The following SEMA3G variants were observed in gnomAD, a reference collection of about 807,000 sequenced individuals.
The protein encoded by SEMA3G is semaphorin-3G.
A neutral mutation model predicts 86.2 loss-of-function variants in SEMA3G; 70 were observed. The observed-to-expected ratio is 0.81, with a 90% CI of 0.67 to 0.99. The LOEUF (loss-of-function observed/expected upper bound fraction) is 0.99. Among genes scored for constraint, SEMA3G ranks in the 50% least tolerant of loss-of-function variants. The pLI, the probability that SEMA3G is intolerant of heterozygous loss-of-function variation, is 0.00. For missense variants in SEMA3G, 1,002 were observed against 1,072.4 expected (o/e 0.93, Z 0.92); for synonymous variants, 416 against 441.4 (o/e 0.94, Z 0.72).
chr3:52,437,517 C>G lies in SEMA3G; in HGVS notation c.1878+10G>C. On this transcript the variant is annotated intron_variant, in intron 15 of 15. Coordinates refer to ENST00000231721, the MANE Select transcript of SEMA3G (RefSeq NM_020163.3). ...ACACAGAGGCTAGAGGCAGGGGTCT[C>G]CTCACTCACCTGGTCAGGCCCCTCA... is the stretch of plus-strand genomic sequence containing the variant. 1.2e-6 allele frequency: 2 copies of G among 1,609,406 alleles called. No individual in the cohort carries two copies. Among genetic ancestry groups the G allele is most frequent in the Non-Finnish European group, 1.7e-6 (2 of 1,177,662 alleles).
chr3:52,440,636 G>A (rs552048699), intron 9 of SEMA3G, 115 bp from the exon 10 acceptor site: 469 of 1,458,716 alleles, frequency 3.2e-4, no homozygotes, highest in Non-Finnish European at 4.1e-4. Context: ...CAGAGACTCC[G>A]AAAAGCAAAG....
At chr3:52,439,808 G>T in intron 11 of SEMA3G, 37 bp from the exon 12 acceptor site, 20 of 1,610,640 alleles carry the variant, frequency 1.2e-5, no homozygotes, top group Non-Finnish European at 1.7e-5. Context: ...GGACAGGAGG[G>T]GACAGCCAGA....
chr3:52,441,125 A>G, intron 7 of SEMA3G, 77 bp from the exon 8 acceptor site: 1 of 1,444,610 alleles, frequency 6.9e-7, no homozygotes, highest in Non-Finnish European at 9.4e-7. Flanking sequence ...ACCCTCACCC[A>G]CTCGGGGAGA....
chr3:52,439,049 T>G, intron 12 of SEMA3G, 88 bp from the exon 13 acceptor site: 1 of 1,447,788 alleles, frequency 6.9e-7, no homozygotes, highest in Non-Finnish European at 9.5e-7. Context: ...AACCCTGGGG[T>G]GGGAACCACC....
At chr3:52,443,133 C>T in intron 1 of SEMA3G, 6 of 1,080,186 alleles carry the variant, frequency 5.6e-6, no homozygotes, top group Non-Finnish European at 8.1e-6. Context: ...CTGGGGCCTA[C>T]CTCCCACCCC....
chr3:52,442,012 G>A lies in SEMA3G; in HGVS notation c.460-103C>T, dbSNP rs1007688574. 7.6e-7 allele frequency: 1 copy of A among 1,308,438 alleles called. No homozygotes were observed. 81.1% of individuals were successfully genotyped at this position (1,308,438 alleles called of 1,614,324 possible). ...TCGCGTGCGGCCAGAGAGCGGGGGT[G>A]GGCGGAAGGCGTCCTCATCCAGGGC... On this transcript the variant is annotated intron_variant, in intron 4 of 15. Coordinates refer to ENST00000231721, the MANE Select transcript of SEMA3G (RefSeq NM_020163.3). The surrounding 1 kb of genome is among the most constrained non-coding windows in gnomAD (Gnocchi z 6.1).
rs761755344 is a variant in SEMA3G at position 52,435,917 on chromosome 3, G to C, written c.2035C>G (p.Leu679Val). ...LALVVIVASQ[L>V]DNLFPPEPKP... is the part of the protein sequence containing the mutation. Reference sequence around the variant, plus strand: ...GGCTCCGGAGGGAACAGGTTGTCCAGCTGTGAGGCCACAATCACCACCAGA... The same window carrying C: ...GGCTCCGGAGGGAACAGGTTGTCCACCTGTGAGGCCACAATCACCACCAGA... Residue 679 changes from leucine (L) to valine (V), a missense_variant, in exon 16 of 16, where the codon CTG (leucine) becomes GTG (valine). Leu to Val is a conservative substitution (Grantham distance 32). Coordinates refer to ENST00000231721, the MANE Select transcript of SEMA3G (RefSeq NM_020163.3). The C allele has an allele frequency of 3.1e-6, 5 of 1,614,014 alleles. No homozygotes were observed. The South Asian group carries it at 3.3e-5, about 11-fold the overall frequency.
chr3:52,437,832 G>C (rs562494822), intron 14 of SEMA3G, 139 bp downstream of exon 14: 1 of 1,100,720 alleles, frequency 9.1e-7, no homozygotes, highest in African/African-American at 1.6e-5. Context: ...CCATGCACTA[G>C]CAGGAGCTAC....
At chr3:52,444,863 A>ATG in intron 1 of SEMA3G, 50 bp downstream of exon 1, 1 of 1,253,198 alleles carries the variant, frequency 8.0e-7, no homozygotes, top group Non-Finnish European at 1.0e-6. Context: ...CAGAGCGCAC[A>ATG]CACACAAACA....
chr3:52,441,818 C>T lies in SEMA3G; in HGVS notation c.550+1G>A, dbSNP rs1282730168. 1.2e-6 allele frequency: 2 copies of T among 1,608,002 alleles called. No homozygotes were observed. The highest frequency in any genetic ancestry group is 1.7e-6 in the Non-Finnish European group (2 of 1,177,210). Reference sequence around the variant, plus strand: ...CTCACCCTGGCCTGGGCATCACCCACCTATGAAGGTGCTGGCAAAGGGACG... The same window carrying T: ...CTCACCCTGGCCTGGGCATCACCCATCTATGAAGGTGCTGGCAAAGGGACG... On this transcript the variant is annotated splice_donor_variant, in intron 5 of 15. Transcript: ENST00000231721. LOFTEE classifies it high-confidence loss of function.
chr3:52,442,348 CCCA>C lies in SEMA3G; in HGVS notation c.340-47_340-45del, dbSNP rs1559611997. 6.3e-7 allele frequency: 1 copy of C among 1,599,546 alleles called. No homozygotes were observed. Among genetic ancestry groups the C allele is most frequent in the East Asian group, 2.2e-5 (1 of 44,666 alleles). The stretch of plus-strand genomic sequence containing the variant: ...GGTGGTTGAGGGGTGAGAGGGGGTG[CCCA>C]CCATCTCCTTGGGGCCCAAGGCTCA... On this transcript the variant is annotated intron_variant, in intron 3 of 15. Transcript: ENST00000231721. This position sits in a 1 kb window ranked among gnomAD's most constrained non-coding sequence, Gnocchi z 6.1.
chr3:52,443,623 TC>T (rs1706203010), intron 1 of SEMA3G, among the ~76,000 whole-genome samples: 1 of 152,044 alleles, frequency 6.6e-6, no homozygotes, highest in East Asian at 1.9e-4. Context: ...GCCCAGAGTG[TC>T]CTATGCCTTC....
At chr3:52,436,916 C>T (rs1438965452) in intron 15 of SEMA3G, among the ~76,000 whole-genome samples, 1 of 152,222 alleles carries the variant, frequency 6.6e-6, no homozygotes, top group African/African-American at 2.4e-5. Flanking sequence ...TCCACTCCTG[C>T]CCCTCCCCTT....
rs937952732 is a variant in SEMA3G at position 52,442,474 on chromosome 3, A to G, written c.339+85T>C. 6.8e-7 allele frequency: 1 copy of G among 1,465,290 alleles called. No homozygotes were observed. Among genetic ancestry groups the G allele is most frequent in the Admixed American group, 1.7e-5 (1 of 59,266 alleles). 90.8% of individuals were successfully genotyped at this position (1,465,290 alleles called of 1,614,324 possible). The stretch of plus-strand genomic sequence containing the variant: ...GATCTGCTCCAAATGCCCCTGGTAG[A>G]GGTACCTGGGGCGTGGTCACGGATT... On this transcript the variant is annotated intron_variant, in intron 3 of 15. Coordinates refer to ENST00000231721, the MANE Select transcript of SEMA3G (RefSeq NM_020163.3). The surrounding 1 kb of genome is among the most constrained non-coding windows in gnomAD (Gnocchi z 6.1).
At position 52,436,082 on chromosome 3, in the gene SEMA3G, C is replaced by A; in HGVS notation, c.1879-9G>T. On this transcript the variant is annotated splice_polypyrimidine_tract_variant and intron_variant, in intron 15 of 15. Coordinates refer to ENST00000231721, the MANE Select transcript of SEMA3G (RefSeq NM_020163.3). ...CGCTCGTCCGTCTTCACCTGCCATG[C>A]GGGCGGGAGGGCGTGAGTAGGGTGC... 6.3e-7 allele frequency: 1 copy of A among 1,599,538 alleles called. No homozygotes were observed. The highest frequency in any genetic ancestry group is 8.5e-7 in the Non-Finnish European group (1 of 1,170,736).
Position 52,438,039 on chromosome 3 carries a change from C to A in SEMA3G, c.1670G>T (p.Arg557Leu), listed in dbSNP as rs142528178. Reference protein sequence around the residue: ...CTHYRPSLGKRRFRRQDIRHG... With the variant: ...CTHYRPSLGKLRFRRQDIRHG... ...CCGGATGTCCTGCCGGCGGAACCGG[C>A]GCTTGCCAAGGCTGGGGCGGTAGTG... The change falls in exon 14 of 16, where the codon CGC (arginine) becomes CTC (leucine). Residue 557 changes from arginine to leucine, a missense_variant. Arg to Leu is a moderately radical substitution (Grantham distance 102, BLOSUM62 -2). Transcript: ENST00000231721. The A allele has an allele frequency of 6.2e-7, 1 of 1,613,154 alleles. No homozygotes were observed. Among genetic ancestry groups the A allele is most frequent in the Non-Finnish European group, 8.5e-7 (1 of 1,179,994 alleles).
chr3:52,438,985 T>A, intron 12 of SEMA3G, 24 bp from the exon 13 acceptor site: 1 of 1,611,816 alleles, frequency 6.2e-7, no homozygotes, highest in Non-Finnish European at 8.5e-7. Flanking sequence ...AGGGTCTCAG[T>A]GTGGGTCGGG....
At chr3:52,441,107 A>T in intron 7 of SEMA3G, 59 bp from the exon 8 acceptor site, 3 of 1,475,984 alleles carry the variant, frequency 2.0e-6, no homozygotes, top group Non-Finnish European at 2.8e-6. Flanking sequence ...CCCACCATCC[A>T]CTCTTCTACC....
chr3:52,445,068 C>A lies in SEMA3G; in HGVS notation c.-41G>T, dbSNP rs1044231762. ...GCACCGCTGCCGCCTGCCTGCAGAG[C>A]CGCCCTCTGGTCCCGCTGGCCGCCG... On this transcript the variant is annotated 5_prime_UTR_variant, in exon 1 of 16. Coordinates refer to ENST00000231721, the MANE Select transcript of SEMA3G (RefSeq NM_020163.3). 8 of 1,256,428 alleles carry A rather than the reference C, an allele frequency of 6.4e-6. No homozygotes were observed. Among genetic ancestry groups the A allele is most frequent in the Non-Finnish European group, 8.0e-6 (8 of 995,934 alleles). The allele number at this position is 1,256,428 out of a possible 1,614,324, so 77.8% of individuals were successfully genotyped here.
Sources: gnomAD v4.1 joint callset for allele counts (sites outside exome capture counted in the v4.1 genomes callset) on GRCh38, gnomAD v4.1.1 for gene constraint, Gnocchi (gnomAD v3.1) non-coding constraint, MANE v1.5 for transcripts, NCBI Gene and HGNC (gene_info 2026-07-23, HGNC 2026-07-21) for gene names.